The following FREM2 variants were observed in gnomAD, a reference collection of about 807,000 sequenced individuals.
FREM2 encodes FRAS1-related extracellular matrix protein 2.
FREM2 carries 119 observed loss-of-function variants against 219.9 expected under a neutral mutation model. The observed-to-expected ratio is 0.54, with a 90% CI of 0.47 to 0.63. The LOEUF (loss-of-function observed/expected upper bound fraction) is 0.63. Among genes scored for constraint, FREM2 ranks in the 30% least tolerant of loss-of-function variants. The pLI is 0.00. For synonymous variants in FREM2, 1,562 were observed against 1,522.8 expected (o/e 1.03, Z -0.60); for missense variants, 4,030 against 3,993.6 (o/e 1.01, Z -0.25).
chr13:38,690,619 C>A lies in FREM2; in HGVS notation c.3275C>A (p.Ala1092Asp), dbSNP rs754377178. ...KSVITSVHISAEDVDSLNDDI... is the reference protein window; with the variant it reads ...KSVITSVHISDEDVDSLNDDI... ...GTTATAACATCAGTGCATATAAGTG[C>A]TGAAGATGTCGACTCCCTGAATGAT... Residue 1092 changes from alanine (A) to aspartate (D), a missense_variant, in exon 1 of 24, where the codon GCT becomes GAT. Transcript: ENST00000280481. 1 of 1,613,888 alleles carries A rather than the reference C, an allele frequency of 6.2e-7. No homozygotes were observed. The highest frequency in any genetic ancestry group is 1.1e-5 in the South Asian group (1 of 91,078).
chr13:38,754,802 C>T (rs1566129576), intron 2 of FREM2, among the ~76,000 whole-genome samples: 3 of 151,528 alleles, frequency 2.0e-5, no homozygotes, highest in South Asian at 2.1e-4. Context: ...TTTGATTGTC[C>T]AATGCCTATA....
intron 2 of FREM2, among the ~76,000 whole-genome samples, chr13:38,722,228 C>CA (rs1871303497): frequency 6.6e-6 from 1 of 151,786 alleles, no homozygotes; most frequent in East Asian, 1.9e-4. Context: ...TTTAAAAAAA[C>CA]AAAAAAATTA....
intron 6 of FREM2, among the ~76,000 whole-genome samples, chr13:38,822,569 G>T (rs1876109508): frequency 6.6e-6 from 1 of 151,802 alleles, no homozygotes; most frequent in Non-Finnish European, 1.5e-5. Context: ...CTCATAAACT[G>T]GTGGAATGCT....
chr13:38,844,893 C>CT (rs1372926803), intron 6 of FREM2, among the ~76,000 whole-genome samples: 2 of 152,170 alleles, frequency 1.3e-5, no homozygotes, highest in Non-Finnish European at 2.9e-5. Flanking sequence ...CTGTCTTCAC[C>CT]TTTGTGCCCT....
intron 6 of FREM2, among the ~76,000 whole-genome samples, chr13:38,801,488 G>A (rs933577908): frequency 6.6e-6 from 1 of 152,112 alleles, no homozygotes; most frequent in African/African-American, 2.4e-5. Context: ...ACTTTTTTAG[G>A]TGATGACTTT....
intron 2 of FREM2, among the ~76,000 whole-genome samples, chr13:38,726,811 T>C (rs1348798234): frequency 6.6e-6 from 1 of 152,148 alleles, no homozygotes; most frequent in Non-Finnish European, 1.5e-5. Context: ...TGATTGTGGG[T>C]GGAGGAAATA....
intron 2 of FREM2, among the ~76,000 whole-genome samples, chr13:38,707,594 T>C (rs1343902786): frequency 6.6e-6 from 1 of 152,194 alleles, no homozygotes. Flanking sequence ...ATCTTTGTAA[T>C]GTGCCACCTG....
In FREM2 at chr13:38,859,366, G is replaced by A. The variant is rs746001237; in HGVS notation, c.7295G>A (p.Arg2432Gln). The change falls in exon 14 of 24, where the codon CGG becomes CAG. Residue 2432 changes from arginine to glutamine, a missense_variant. By Grantham distance (43) the Arg-to-Gln change is conservative. This residue lies in a region of FREM2 where 928 missense variants were observed against 1,042.9 expected (regional missense o/e 0.89). Transcript: ENST00000280481. ...ASENINDTLT[R>Q]YRWLISAPAG... is the part of the protein sequence containing the mutation. ...GAGAACATCAATGACACTTTGACGCGGTACCGGTGGCTGATTAGTGCACCT... is the reference window on the plus strand; with the variant it reads ...GAGAACATCAATGACACTTTGACGCAGTACCGGTGGCTGATTAGTGCACCT... 2.1e-5 allele frequency: 34 copies of A among 1,614,038 alleles called. No homozygotes were observed. The highest frequency in any genetic ancestry group is 1.6e-4 in the Middle Eastern group (1 of 6,080).
At chr13:38,825,831 C>T (rs1186775441) in intron 6 of FREM2, among the ~76,000 whole-genome samples, 1 of 152,110 alleles carries the variant, frequency 6.6e-6, no homozygotes, top group African/African-American at 2.4e-5. Context: ...GGCTGTGCTC[C>T]TTTCACTCTA....
chr13:38,842,765 T>C (rs1216081899), intron 6 of FREM2, among the ~76,000 whole-genome samples: 1 of 152,154 alleles, frequency 6.6e-6, no homozygotes, highest in Non-Finnish European at 1.5e-5. Context: ...CTGGGAAAAT[T>C]TTCCCTCTGG....
In FREM2 at chr13:38,688,898, C is replaced by G. The variant is rs375189892; in HGVS notation, c.1554C>G (p.Val518=). The G allele has an allele frequency of 1.9e-6, 3 of 1,612,730 alleles. No individual in the cohort carries two copies. The highest frequency in any genetic ancestry group is 2.5e-6 in the Non-Finnish European group (3 of 1,179,438). Residue 518 remains valine, a synonymous_variant, in exon 1 of 24, where the codon GTC becomes GTG. Coordinates refer to ENST00000280481, the MANE Select transcript of FREM2 (RefSeq NM_207361.6). ...CTGAGCTGGCAGCCGGCCAGGTGGT[C>G]TACCAGCATGATGACAGAGACGGCT... is the stretch of plus-strand genomic sequence containing the variant. ...TVAELAAGQV[V]YQHDDRDGSL... is the part of the protein sequence containing the mutation.
chr13:38,847,154 A>G (rs570031208), intron 7 of FREM2, among the ~76,000 whole-genome samples: 1 of 152,248 alleles, frequency 6.6e-6, no homozygotes. Flanking sequence ...ATGTGTCCCT[A>G]TAAATACTTC....
chr13:38,859,893 AGACAGGG>A lies in FREM2; in HGVS notation c.7519+304_7519+310del, dbSNP rs1475645945. On this transcript the variant is annotated intron_variant, in intron 14 of 23. Transcript: ENST00000280481. ...TGAAGATGCAGACACATTTTAGTCT[AGACAGGG>A]CACAGGAATGCACAGGTAGAAGTGA... Among the ~76,000 whole-genome samples, 1,047 of 152,288 alleles carry A rather than the reference AGACAGGG, an allele frequency of 6.9e-3. 7 individuals carry two copies. The highest frequency in any genetic ancestry group is 0.024 in the African/African-American group (995 of 41,570).
At chr13:38,789,553 CTT>C (rs1593409189) in intron 6 of FREM2, among the ~76,000 whole-genome samples, 2 of 148,834 alleles carry the variant, frequency 1.3e-5, no homozygotes, top group African/African-American at 2.5e-5. Flanking sequence ...TTGGTTCTGA[CTT>C]TTCAAAAAAA....
At chr13:38,739,292 T>C (rs570147459) in intron 2 of FREM2, among the ~76,000 whole-genome samples, 1 of 152,168 alleles carries the variant, frequency 6.6e-6, no homozygotes, top group South Asian at 2.1e-4. Flanking sequence ...GCTCCATGGA[T>C]TTAATAACTT....
chr13:38,871,299 A>G (rs1036827069), intron 16 of FREM2, among the ~76,000 whole-genome samples: 2 of 152,180 alleles, frequency 1.3e-5, no homozygotes, highest in African/African-American at 4.8e-5. Context: ...TATAGTTCTC[A>G]TGATTTAAAT....
intron 2 of FREM2, among the ~76,000 whole-genome samples, chr13:38,710,303 A>G (rs573174889): frequency 6.6e-6 from 1 of 152,292 alleles, no homozygotes; most frequent in East Asian, 1.9e-4. Context: ...TAAGACTTAA[A>G]AAATATATGA....
chr13:38,857,931 T>G lies in FREM2; in HGVS notation c.7113T>G (p.Phe2371Leu). 1 of 1,613,838 alleles carries G rather than the reference T, an allele frequency of 6.2e-7. No homozygotes were observed. The highest frequency in any genetic ancestry group is 8.5e-7 in the Non-Finnish European group (1 of 1,179,696). The change falls in exon 13 of 24, where the codon TTT (phenylalanine) becomes TTG (leucine). Residue 2371 changes from phenylalanine to leucine, a missense_variant. Transcript: ENST00000280481. ...EEMSSMADVT[F>L]PSVPQIVSLL... ...TGAGCAGCATGGCAGATGTCACTTT[T>G]CCTTCTGTCCCTCAAATTGTATCCC...
intron 6 of FREM2, among the ~76,000 whole-genome samples, chr13:38,829,991 C>T (rs962340694): frequency 2.0e-5 from 3 of 152,086 alleles, no homozygotes; most frequent in Non-Finnish European, 2.9e-5. Context: ...TGTTTAATTA[C>T]ATATATTATC....
Sources: gnomAD v4.1 joint callset for allele counts (sites outside exome capture counted in the v4.1 genomes callset) on GRCh38, gnomAD v4.1.1 for gene constraint, gnomAD v4.1.1 regional missense constraint, MANE v1.5 for transcripts, NCBI Gene and HGNC (gene_info 2026-07-23, HGNC 2026-07-21) for gene names.